The following N4BP2L2 variants were observed in gnomAD, a reference collection of about 807,000 sequenced individuals.
The protein encoded by N4BP2L2 is NEDD4 binding protein 2 like 2.
N4BP2L2 carries 50 observed loss-of-function variants against 56.2 expected under a neutral mutation model. The ratio of observed to expected loss-of-function variants is 0.89; its 90% CI spans 0.71 to 1.13. N4BP2L2 has a LOEUF of 1.13. Ranked by LOEUF, N4BP2L2 falls within the 50% of genes most tolerant of loss-of-function variation. N4BP2L2 has a pLI of 0.00. For synonymous variants in N4BP2L2, 203 were observed against 223.6 expected (o/e 0.91, Z 0.82); for missense variants, 689 against 693.8 (o/e 0.99, Z 0.08).
At chr13:32,516,139 T>C (rs2049159402) in exon 6 of N4BP2L2, 1 of 152,166 alleles carries the variant, frequency 6.6e-6, no homozygotes, top group African/African-American at 2.4e-5. Context: ...TGTCCCAAAA[T>C]GAAATCCTTT....
downstream of N4BP2L2, among the ~76,000 whole-genome samples, chr13:32,510,121 T>C (rs1386373620): frequency 6.6e-6 from 1 of 152,088 alleles, no homozygotes; most frequent in Non-Finnish European, 1.5e-5. Context: ...CTCCTTTAAT[T>C]CTTCAAATAT....
chr13:32,461,022 T>G (rs910051880), intron 6 of N4BP2L2, among the ~76,000 whole-genome samples: 1 of 152,102 alleles, frequency 6.6e-6, no homozygotes, highest in Non-Finnish European at 1.5e-5. Flanking sequence ...AATGGACACC[T>G]TCTTTGAAAA....
At chr13:32,504,172 A>C (rs1264356354) in intron 6 of N4BP2L2, among the ~76,000 whole-genome samples, 1 of 152,260 alleles carries the variant, frequency 6.6e-6, no homozygotes, top group Non-Finnish European at 1.5e-5. Flanking sequence ...CACACAAAGG[A>C]ACTGCAGAAA....
chr13:32,503,220 T>A (rs575757024), intron 6 of N4BP2L2, among the ~76,000 whole-genome samples: 1 of 147,004 alleles, frequency 6.8e-6, no homozygotes, highest in Non-Finnish European at 1.5e-5. Context: ...AATTACTGCC[T>A]CAAAACACGG....
At chr13:32,511,473 T>A (rs1180053200) in exon 6 of N4BP2L2, 1 of 152,242 alleles carries the variant, frequency 6.6e-6, no homozygotes, top group Non-Finnish European at 1.5e-5. Flanking sequence ...TTTTCTCAAA[T>A]CCATACATTC....
At chr13:32,496,337 T>C (rs1468119614) in intron 6 of N4BP2L2, among the ~76,000 whole-genome samples, 1 of 152,220 alleles carries the variant, frequency 6.6e-6, no homozygotes. Context: ...CTGCTTTTTT[T>C]CCTATTTTTG....
In N4BP2L2 at chr13:32,439,863, A is replaced by C. The variant is rs866106354; in HGVS notation, c.2105-1126T>G. 9.1e-3 allele frequency among the ~76,000 whole-genome samples: 1,371 copies of C among 150,328 alleles called. 30 individuals carry two copies. Among genetic ancestry groups the C allele is most frequent in the African/African-American group, 0.032 (1,302 of 40,890 alleles). ...CCATCTCTATTAAGAATCCAAAAAA[A>C]AAAAAAAAAAAAATTAGCCGGGCGC... On this transcript the variant is annotated intron_variant, in intron 7 of 9. Transcript: ENST00000357505.
intron 6 of N4BP2L2, among the ~76,000 whole-genome samples, chr13:32,490,751 TC>T (rs1197238350): frequency 1.3e-5 from 2 of 152,122 alleles, no homozygotes; most frequent in African/African-American, 4.8e-5. Flanking sequence ...CCTAGATCTC[TC>T]ACATGCACAG....
At chr13:32,447,851 G>A (rs919071652) in intron 6 of N4BP2L2, among the ~76,000 whole-genome samples, 4 of 151,904 alleles carry the variant, frequency 2.6e-5, no homozygotes, top group African/African-American at 9.7e-5. Context: ...ACCTGCTAAT[G>A]CTAACAACCC....
rs771269743 is a variant in N4BP2L2 at position 32,536,847 on chromosome 13, C to A, written c.181G>T (p.Asp61Tyr). Residue 61 changes from aspartate (D) to tyrosine (Y), a missense_variant, in exon 2 of 6, where the codon GAT (aspartate) becomes TAT (tyrosine). Physicochemically the swap from Asp to Tyr is radical, Grantham distance 160. Transcript: ENST00000267068. ...TGCAAATAACTATGTCCTCTGACAT[C>A]AATGATGGTCACAGGGACCCAATCA... 1.9e-6 allele frequency: 3 copies of A among 1,613,888 alleles called. No homozygotes were observed. In the African/African-American group the frequency reaches 4.0e-5, roughly 22 times the overall value.
chr13:32,515,567 A>G (rs772936572), exon 6 of N4BP2L2: 2 of 152,312 alleles, frequency 1.3e-5, no homozygotes, highest in Non-Finnish European at 2.9e-5. Context: ...GTAATGACGA[A>G]TGATCTCTAA....
chr13:32,503,446 T>C (rs1468713013), intron 6 of N4BP2L2, among the ~76,000 whole-genome samples: 1 of 152,124 alleles, frequency 6.6e-6, no homozygotes, highest in Non-Finnish European at 1.5e-5. Context: ...CTAGTATTAA[T>C]CCATATTCTA....
intron 6 of N4BP2L2, among the ~76,000 whole-genome samples, chr13:32,459,839 C>A (rs2079684769): frequency 6.6e-6 from 1 of 152,068 alleles, no homozygotes; most frequent in Non-Finnish European, 1.5e-5. Flanking sequence ...CAAAATCAGA[C>A]AAGGACACAG....
chr13:32,499,309 A>AT (rs1484125509), intron 6 of N4BP2L2, among the ~76,000 whole-genome samples: 2 of 152,214 alleles, frequency 1.3e-5, no homozygotes, highest in African/African-American at 4.8e-5. Flanking sequence ...CTACTGGTTC[A>AT]TATTTCTGCA....
At chr13:32,477,695 T>C in intron 6 of N4BP2L2, 1 of 384,028 alleles carries the variant, frequency 2.6e-6, no homozygotes, top group Non-Finnish European at 4.7e-6. Flanking sequence ...TCAGCCTATC[T>C]GGAAAAATAG....
intron 6 of N4BP2L2, among the ~76,000 whole-genome samples, chr13:32,465,814 T>C (rs1418876257): frequency 6.6e-6 from 1 of 152,070 alleles, no homozygotes; most frequent in Non-Finnish European, 1.5e-5. Context: ...CCACCACTCC[T>C]GGCTAATTGT....
chr13:32,490,045 T>C (rs762467747), intron 6 of N4BP2L2: 10 of 152,142 alleles, frequency 6.6e-5, no homozygotes, highest in Non-Finnish European at 1.3e-4. Flanking sequence ...TGTTTAACAC[T>C]GCAACCAGTT....
intron 6 of N4BP2L2, among the ~76,000 whole-genome samples, chr13:32,458,074 T>C (rs866514341): frequency 8.5e-5 from 13 of 152,158 alleles, no homozygotes; most frequent in African/African-American, 2.4e-4. Flanking sequence ...TTGTTTTGTT[T>C]TGTTTTTGAG....
At chr13:32,494,673 G>C (rs1372282182) in intron 6 of N4BP2L2, among the ~76,000 whole-genome samples, 1 of 151,402 alleles carries the variant, frequency 6.6e-6, no homozygotes, top group South Asian at 2.1e-4. Context: ...AGCTGAGGCA[G>C]GAGAATGGCG....
Sources: gnomAD v4.1 joint callset for allele counts (sites outside exome capture counted in the v4.1 genomes callset) on GRCh38, gnomAD v4.1.1 for gene constraint, MANE v1.5 for transcripts, NCBI Gene and HGNC (gene_info 2026-07-23, HGNC 2026-07-21) for gene names.